The following MYO1E variants were observed in gnomAD, a reference collection of about 807,000 sequenced individuals.
MYO1E encodes myosin IE.
A neutral mutation model predicts 151.1 loss-of-function variants in MYO1E; 68 were observed. That is an observed-to-expected ratio of 0.45 (90% CI 0.37 to 0.55). MYO1E has a LOEUF of 0.55. Among genes scored for constraint, MYO1E ranks in the 20% least tolerant of loss-of-function variants. MYO1E has a pLI of 0.00. For missense variants in MYO1E, 1,363 were observed against 1,389.3 expected (o/e 0.98, Z 0.30); for synonymous variants, 601 against 501.7 (o/e 1.20, Z -2.64).
chr15:59,187,988 G>A, intron 18 of MYO1E, 130 bp downstream of exon 18: 1 of 751,418 alleles, frequency 1.3e-6, no homozygotes, highest in South Asian at 1.4e-5. Context: ...TAACGGTGGT[G>A]ATAGTTGCAC....
intron 1 of MYO1E, among the ~76,000 whole-genome samples, chr15:59,345,237 T>C (rs1195660053): frequency 2.7e-5 from 4 of 149,230 alleles, no homozygotes; most frequent in African/African-American, 5.1e-5. Context: ...GTTGAAGTAT[T>C]TAAATGAGAG....
At chr15:59,262,318 T>G (rs1410474615) in intron 2 of MYO1E, among the ~76,000 whole-genome samples, 1 of 151,930 alleles carries the variant, frequency 6.6e-6, no homozygotes, top group African/African-American at 2.4e-5. Context: ...AAGGCATCAA[T>G]GAGGTAATTT....
intron 2 of MYO1E, among the ~76,000 whole-genome samples, chr15:59,266,004 C>T (rs1232032249): frequency 2.6e-5 from 4 of 151,866 alleles, no homozygotes; most frequent in Non-Finnish European, 4.4e-5. Context: ...AATAAAATGG[C>T]TGTTTCTACA....
chr15:59,162,037 A>G (rs550711924), intron 23 of MYO1E, among the ~76,000 whole-genome samples: 1 of 152,202 alleles, frequency 6.6e-6, no homozygotes, highest in East Asian at 1.9e-4. Context: ...AAAGCTAAAT[A>G]ACTTTCTTTC....
chr15:59,187,117 C>T (rs904108631), intron 18 of MYO1E, among the ~76,000 whole-genome samples: 2 of 152,226 alleles, frequency 1.3e-5, no homozygotes. Flanking sequence ...TCCGCTCTTC[C>T]TGTGGCACAA....
intron 4 of MYO1E, among the ~76,000 whole-genome samples, chr15:59,237,633 A>G (rs2080074763): frequency 6.9e-6 from 1 of 144,634 alleles, no homozygotes; most frequent in South Asian, 2.5e-4. Context: ...TCATAGGACA[A>G]TATTTTTGTT....
intron 10 of MYO1E, among the ~76,000 whole-genome samples, chr15:59,215,164 C>T (rs1189365869): frequency 3.3e-5 from 5 of 152,122 alleles, no homozygotes; most frequent in Admixed American, 2.0e-4. Flanking sequence ...ATGCTAAGGA[C>T]AAGACAACCC....
chr15:59,236,363 A>AAATATATAT (rs1387709265), intron 5 of MYO1E, among the ~76,000 whole-genome samples: 1 of 60,814 alleles, frequency 1.6e-5, no homozygotes, highest in East Asian at 7.1e-4. Flanking sequence ...AAAAAAAAAA[A>AAATATATAT]ATATATACAC....
intron 4 of MYO1E, among the ~76,000 whole-genome samples, chr15:59,243,129 A>T (rs901170830): frequency 1.9e-4 from 28 of 147,070 alleles, no homozygotes; most frequent in Admixed American, 3.4e-4. Context: ...ATATAGAGAG[A>T]TATAGTATTG....
intron 16 of MYO1E, among the ~76,000 whole-genome samples, chr15:59,197,648 C>A (rs1310625512): frequency 1.3e-5 from 2 of 152,232 alleles, no homozygotes; most frequent in African/African-American, 4.8e-5. Context: ...TGAACCCACG[C>A]CCATGGGCTA....
At position 59,258,250 on chromosome 15, in the gene MYO1E, G is replaced by C. The variant is rs559485968; in HGVS notation, c.238-1872C>G. 5.8e-4 allele frequency among the ~76,000 whole-genome samples: 89 copies of C among 152,362 alleles called. 2 individuals are homozygous for C. The highest frequency in any genetic ancestry group is 3.1e-3 in the South Asian group (15 of 4,828). Reference sequence around the variant, plus strand: ...TAATCCCAGCTACTCAGGAGGCTGAGGCAGGAGAATTGCTTGAATCCAGGA... The same window carrying C: ...TAATCCCAGCTACTCAGGAGGCTGACGCAGGAGAATTGCTTGAATCCAGGA... On this transcript the variant is annotated intron_variant, in intron 3 of 27. Transcript: ENST00000288235.
intron 22 of MYO1E, among the ~76,000 whole-genome samples, chr15:59,166,448 G>T (rs912613663): frequency 6.6e-5 from 10 of 151,794 alleles, no homozygotes; most frequent in African/African-American, 1.9e-4. Context: ...GCTTACTGTT[G>T]TATTGCTGAA....
chr15:59,154,412 C>T (rs2079498967), intron 25 of MYO1E, among the ~76,000 whole-genome samples: 1 of 152,216 alleles, frequency 6.6e-6, no homozygotes, highest in African/African-American at 2.4e-5. Context: ...TAGTTAAAAT[C>T]GCATTAGCCA....
At chr15:59,171,849 T>C in intron 22 of MYO1E, 48 bp downstream of exon 22, 3 of 1,613,352 alleles carry the variant, frequency 1.9e-6, no homozygotes, top group Non-Finnish European at 2.5e-6. Context: ...CGGACCGTGA[T>C]GCTGAGGCGA....
chr15:59,239,003 C>G (rs977166123), intron 4 of MYO1E, among the ~76,000 whole-genome samples: 1 of 150,930 alleles, frequency 6.6e-6, no homozygotes, highest in Non-Finnish European at 1.5e-5. Flanking sequence ...GTCAGGAGTT[C>G]GAGACCAGCC....
intron 1 of MYO1E, among the ~76,000 whole-genome samples, chr15:59,367,890 C>T (rs1235817962): frequency 6.6e-6 from 1 of 152,100 alleles, no homozygotes; most frequent in African/African-American, 2.4e-5. Flanking sequence ...GAGGCTGAGG[C>T]GGGCAGATCA....
chr15:59,300,778 A>C, intron 1 of MYO1E, among the ~76,000 whole-genome samples: 1 of 152,182 alleles, frequency 6.6e-6, no homozygotes, highest in East Asian at 1.9e-4. Flanking sequence ...GCTAGCTCTA[A>C]GAAGCTAGCC....
rs142520263 is a variant in MYO1E, at chr15:59,153,708, G to A, written c.2962C>T (p.Leu988=). ...PGSQRSNQKS[L]YTSMARPPLP... ...GGCGGGCGGGCCATGGAGGTGTACAGGCTTTTCTGATTGGACCTCTGGCTT... is the reference window on the plus strand; with the variant it reads ...GGCGGGCGGGCCATGGAGGTGTACAAGCTTTTCTGATTGGACCTCTGGCTT... The change falls in exon 26 of 28, where the codon CTG becomes TTG. Residue 988 remains leucine (L), a synonymous_variant. Transcript: ENST00000288235. 3.7e-6 allele frequency: 6 copies of A among 1,614,132 alleles called. No individual in the cohort carries two copies. The highest frequency in any genetic ancestry group is 4.2e-6 in the Non-Finnish European group (5 of 1,179,984).
intron 1 of MYO1E, among the ~76,000 whole-genome samples, chr15:59,308,328 G>A (rs1261236997): frequency 4.6e-5 from 7 of 150,866 alleles, no homozygotes; most frequent in Admixed American, 4.6e-4. Flanking sequence ...CTGAGGTCAG[G>A]AGTTCGAGAC....
Sources: gnomAD v4.1 joint callset for allele counts (sites outside exome capture counted in the v4.1 genomes callset) on GRCh38, gnomAD v4.1.1 for gene constraint, MANE v1.5 for transcripts, NCBI Gene and HGNC (gene_info 2026-07-23, HGNC 2026-07-21) for gene names.